Variants in CAPN13 observed in about 807,000 individuals in gnomAD.
CAPN13 encodes the protein calpain 13.
A neutral mutation model predicts 98.4 loss-of-function variants in CAPN13; 90 were observed. The ratio of observed to expected loss-of-function variants is 0.92; its 90% confidence interval spans 0.77 to 1.09. The LOEUF (loss-of-function observed/expected upper bound fraction) is 1.09. CAPN13 is among the 50% of genes least tolerant of loss of function. The probability of loss-of-function intolerance (pLI) is 0.00; values close to 1 mark genes in which losing one functional copy is unlikely to be tolerated. For synonymous variants in CAPN13, 330 were observed against 305.5 expected (o/e 1.08, Z -0.84); for missense variants, 887 against 841.3 (o/e 1.05, Z -0.67).
chr2:30,803,157 C>T (rs922728586), intron 1 of CAPN13, among the ~76,000 whole-genome samples: 9 of 152,254 alleles, frequency 5.9e-5, no homozygotes, highest in East Asian at 1.9e-4. Flanking sequence ...TTGGCTGCCA[C>T]GTCTGGTTAA....
chr2:30,748,124 T>C (rs1275765410), intron 11 of CAPN13, among the ~76,000 whole-genome samples: 1 of 152,228 alleles, frequency 6.6e-6, no homozygotes, highest in Non-Finnish European at 1.5e-5. Context: ...GGCTTCTGTC[T>C]TAGCTCAGAA....
intron 1 of CAPN13, among the ~76,000 whole-genome samples, chr2:30,792,837 A>G (rs1016748283): frequency 2.6e-5 from 4 of 152,034 alleles, no homozygotes; most frequent in African/African-American, 9.6e-5. Context: ...CAAATCCAAT[A>G]ATGTAAAAAA....
chr2:30,738,268 T>C lies in CAPN13; in HGVS notation c.1620A>G (p.Leu540=), dbSNP rs780978906. The change falls in exon 17 of 23, where the codon TTA becomes TTG. Residue 540 remains leucine (L), a synonymous_variant. Coordinates refer to ENST00000295055, the MANE Select transcript of CAPN13 (RefSeq NM_144575.3). The part of the protein sequence containing the change: ...LTGPPGDMFS[L]DECRSLVALM... ...GAGCCACCAAGCTGCGGCACTCATC[T>C]AAGGAGAACATGTCCCCTGGAGGTC... 1.9e-6 allele frequency: 3 copies of C among 1,613,988 alleles called. No homozygotes were observed. Among genetic ancestry groups the C allele is most frequent in the Non-Finnish European group, 2.5e-6 (3 of 1,179,882 alleles).
intron 2 of CAPN13, among the ~76,000 whole-genome samples, chr2:30,778,786 C>T (rs1237619530): frequency 6.6e-6 from 1 of 152,128 alleles, no homozygotes; most frequent in African/African-American, 2.4e-5. Context: ...TAACTGACCC[C>T]GTCACATGCC....
chr2:30,791,230 A>T (rs1215758117), intron 1 of CAPN13, among the ~76,000 whole-genome samples: 1 of 152,246 alleles, frequency 6.6e-6, no homozygotes. Flanking sequence ...AGCAACAGTG[A>T]TAAGTATGTG....
At chr2:30,780,488 A>C (rs901103074) in intron 2 of CAPN13, among the ~76,000 whole-genome samples, 2 of 152,260 alleles carry the variant, frequency 1.3e-5, no homozygotes, top group African/African-American at 4.8e-5. Flanking sequence ...CCTTTCAATA[A>C]ATTCTATGAA....
intron 2 of CAPN13, among the ~76,000 whole-genome samples, chr2:30,780,826 T>C (rs1673950375): frequency 6.6e-6 from 1 of 152,210 alleles, no homozygotes; most frequent in Non-Finnish European, 1.5e-5. Flanking sequence ...AGGAGCGTTT[T>C]AGTCTGCCAG....
chr2:30,785,776 T>A (rs1674241756), intron 2 of CAPN13, among the ~76,000 whole-genome samples: 1 of 152,190 alleles, frequency 6.6e-6, no homozygotes, highest in South Asian at 2.1e-4. Flanking sequence ...TCTGAAATAA[T>A]CTCAGCCTCT....
At chr2:30,804,115 G>A (rs1392516955) in intron 1 of CAPN13, among the ~76,000 whole-genome samples, 1 of 152,246 alleles carries the variant, frequency 6.6e-6, no homozygotes, top group Non-Finnish European at 1.5e-5. Context: ...CTGAGCCCAT[G>A]AACACAGGTC....
At position 30,764,199 on chromosome 2, in the gene CAPN13, TCCACAGGGGAA is replaced by T. The variant is rs753563195; in HGVS notation, c.621_631del (p.Ser208ProfsTer46). ...CGCTGTCTTCACTGCCTTCACCAGG[TCCACAGGGGAA>T]GAGTGCAGATGGATGTTGGTGATCA... On this transcript the variant is annotated frameshift_variant, in exon 6 of 23. Transcript: ENST00000295055. LOFTEE classifies it high-confidence loss of function. The T allele has an allele frequency of 1.8e-5, 29 of 1,609,462 alleles. No individual in the cohort carries two copies. The African/African-American group carries it at 3.6e-4, about 20-fold the overall frequency.
intron 3 of CAPN13, 51 bp from the exon 4 acceptor site, chr2:30,776,096 C>G: frequency 8.0e-7 from 1 of 1,243,734 alleles, no homozygotes; most frequent in Non-Finnish European, 1.2e-6. Flanking sequence ...CTTGGAAACC[C>G]TCCCCCATAA....
rs1671080521 is a variant in CAPN13 at position 30,731,326 on chromosome 2, G to T, written c.1983+18C>A. On this transcript the variant is annotated intron_variant, in intron 21 of 22. Transcript: ENST00000295055. ...AGCCTGGGACTGTGCCTGCCCCGGGGAGGGGAAGGTACCTCACCTCCATTT... is the reference window on the plus strand; with the variant it reads ...AGCCTGGGACTGTGCCTGCCCCGGGTAGGGGAAGGTACCTCACCTCCATTT... The T allele has an allele frequency of 6.2e-7, 1 of 1,604,084 alleles. No individual in the cohort carries two copies. Among genetic ancestry groups the T allele is most frequent in the Non-Finnish European group, 8.5e-7 (1 of 1,175,026 alleles).
intron 1 of CAPN13, among the ~76,000 whole-genome samples, chr2:30,791,510 A>G (rs1365832911): frequency 6.6e-6 from 1 of 152,240 alleles, no homozygotes; most frequent in Non-Finnish European, 1.5e-5. Flanking sequence ...TTATTTTGGA[A>G]AACATCTGAT....
chr2:30,785,529 G>A (rs770961417), intron 2 of CAPN13, among the ~76,000 whole-genome samples: 7 of 152,100 alleles, frequency 4.6e-5, no homozygotes, highest in Non-Finnish European at 1.0e-4. Context: ...AAGCAGATTC[G>A]GCCCCTGGCT....
intron 22 of CAPN13, among the ~76,000 whole-genome samples, chr2:30,726,771 A>C (rs1314929929): frequency 6.6e-6 from 1 of 152,210 alleles, no homozygotes; most frequent in Non-Finnish European, 1.5e-5. Context: ...TATATTGTGA[A>C]GATGGCAATA....
chr2:30,777,986 T>C (rs936817036), intron 2 of CAPN13, among the ~76,000 whole-genome samples: 17 of 152,218 alleles, frequency 1.1e-4, no homozygotes, highest in African/African-American at 4.1e-4. Context: ...ATGAATAGAA[T>C]ACATTTATTA....
chr2:30,731,275 C>A, intron 21 of CAPN13, 69 bp downstream of exon 21: 1 of 1,392,634 alleles, frequency 7.2e-7, no homozygotes, highest in Non-Finnish European at 9.7e-7. Context: ...GAGAAAAATG[C>A]CCTCTGGAAT....
chr2:30,804,269 C>T lies in CAPN13; in HGVS notation c.-33+3033G>A, dbSNP rs138042744. Among the ~76,000 whole-genome samples, 1,482 of 152,266 alleles carry T rather than the reference C, an allele frequency of 9.7e-3. 20 individuals are homozygous for T. Among genetic ancestry groups the T allele is most frequent in the African/African-American group, 0.034 (1,410 of 41,560 alleles). On this transcript the variant is annotated intron_variant, in intron 1 of 22. Coordinates refer to ENST00000295055, the MANE Select transcript of CAPN13 (RefSeq NM_144575.3). ...AGGCTGGAGTGCAGTGGCGCAACCT[C>T]GGCTCACTGCAACCTCCACCTCCCT...
At chr2:30,752,907 G>A (rs1572818109) in intron 10 of CAPN13, 146 bp downstream of exon 10, 1 of 858,994 alleles carries the variant, frequency 1.2e-6, no homozygotes, top group Non-Finnish European at 1.8e-6. Flanking sequence ...AGCAGTCGCT[G>A]TCTCTTCATG....
Sources: allele counts gnomAD v4.1 joint callset (sites outside exome capture counted in the v4.1 genomes callset), GRCh38; gene constraint gnomAD v4.1.1; transcripts MANE v1.5; gene names NCBI Gene and HGNC (gene_info 2026-07-23, HGNC 2026-07-21).